COL22A1: variants seen among roughly 807,000 people sequenced by gnomAD.
The protein encoded by COL22A1 is collagen type XXII alpha 1 chain.
In COL22A1, 221 loss-of-function variants were observed where a neutral mutation model predicts 248.9. The observed-to-expected ratio is 0.89, with a 90% CI of 0.80 to 0.99. COL22A1 has a LOEUF of 0.99. Ranked by LOEUF, COL22A1 falls within the 50% of genes least tolerant of loss-of-function variation. The probability of loss-of-function intolerance (pLI) is 0.00; values close to 1 mark genes in which losing one functional copy is unlikely to be tolerated. For missense variants in COL22A1, 2,240 were observed against 2,179.0 expected, an observed-to-expected ratio of 1.03 and a Z score of -0.56; for synonymous variants, 891 against 793.4, an observed-to-expected ratio of 1.12 and a Z score of -2.07.
At chr8:138,835,534 A>G (rs1586854557) in intron 4 of COL22A1, among the ~76,000 whole-genome samples, 1 of 152,028 alleles carries the variant, frequency 6.6e-6, no homozygotes, top group Non-Finnish European at 1.5e-5. Context: ...AGCTTTCCTG[A>G]CCCGCCAGCT....
intron 1 of COL22A1, among the ~76,000 whole-genome samples, chr8:138,903,046 G>A (rs962434201): frequency 3.3e-5 from 5 of 152,118 alleles, no homozygotes; most frequent in African/African-American, 1.2e-4. Context: ...CCTCCCTATC[G>A]CGAATTGTCT....
intron 3 of COL22A1, among the ~76,000 whole-genome samples, chr8:138,877,021 G>A (rs1163053700): frequency 6.6e-6 from 1 of 152,220 alleles, no homozygotes; most frequent in Non-Finnish European, 1.5e-5. Context: ...CTGTCCTGGG[G>A]AGGGCGCTGT....
intron 23 of COL22A1, among the ~76,000 whole-genome samples, chr8:138,731,412 C>A (rs1010771846): frequency 6.6e-6 from 1 of 152,214 alleles, no homozygotes; most frequent in Middle Eastern, 3.4e-3. Context: ...AGAAGGCAGC[C>A]AGCGCCAGCA....
rs575068813 is a variant in COL22A1 at position 138,874,755 on chromosome 8, G to A, written c.658+2995C>T. ...TGGCCTTGCTTGGCTGGTTTCAGACGGGGTCAGGCTAGTGGAAGAACAGCC... is the reference window on the plus strand; with the variant it reads ...TGGCCTTGCTTGGCTGGTTTCAGACAGGGTCAGGCTAGTGGAAGAACAGCC... On this transcript the variant is annotated intron_variant, in intron 3 of 64. Coordinates refer to ENST00000303045, the MANE Select transcript of COL22A1 (RefSeq NM_152888.3). Among the ~76,000 whole-genome samples, 3 of 152,308 alleles carry A rather than the reference G, an allele frequency of 2.0e-5. No homozygotes were observed. The South Asian group carries it at 6.2e-4, about 32-fold the overall frequency.
chr8:138,620,110 C>G (rs1027813812), intron 52 of COL22A1: 1 of 155,508 alleles, frequency 6.4e-6, no homozygotes, highest in Non-Finnish European at 1.4e-5. Context: ...TTACTGCCCA[C>G]AGCTTGGCAT....
chr8:138,877,776 C>G lies in COL22A1; in HGVS notation c.632G>C (p.Gly211Ala). The change falls in exon 3 of 65, where the codon GGC (glycine) becomes GCC (alanine). Residue 211 changes from glycine to alanine, a missense_variant. Transcript: ENST00000303045. ...TTCACAAAGACGGCGCCGCAGCTTG[C>G]CCCGGATCTTGTCGATGGCATTGAA... ...SDFNAIDKIR[G>A]KLRRRLCENV... The G allele has an allele frequency of 6.2e-7, 1 of 1,601,370 alleles. No individual in the cohort carries two copies.
intron 8 of COL22A1, 142 bp from the exon 9 acceptor site, chr8:138,812,063 G>A: frequency 2.9e-6 from 3 of 1,048,948 alleles, no homozygotes; most frequent in Non-Finnish European, 4.1e-6. Flanking sequence ...TGAGGCCTTG[G>A]GGCAGAAAGC....
intron 10 of COL22A1, among the ~76,000 whole-genome samples, chr8:138,806,907 A>G (rs545918053): frequency 1.6e-4 from 25 of 152,308 alleles, no homozygotes; most frequent in Non-Finnish European, 2.6e-4. Flanking sequence ...TGTCTGCACC[A>G]CGAGACTCAG....
At chr8:138,629,045 T>C (rs527395355) in intron 50 of COL22A1, among the ~76,000 whole-genome samples, 19 of 152,054 alleles carry the variant, frequency 1.2e-4, no homozygotes, top group African/African-American at 4.1e-4. Flanking sequence ...TCTCCTGACC[T>C]GATGATTTGC....
chr8:138,848,444 T>G (rs189903517), intron 3 of COL22A1, among the ~76,000 whole-genome samples: 1 of 152,250 alleles, frequency 6.6e-6, no homozygotes, highest in African/African-American at 2.4e-5. Flanking sequence ...ACACGTCCAT[T>G]TTTTTGGCCT....
Position 138,646,621 on chromosome 8 carries a change from T to C in COL22A1, c.3501+8A>G. 1.3e-6 allele frequency: 2 copies of C among 1,577,900 alleles called. No homozygotes were observed. Among genetic ancestry groups the C allele is most frequent in the African/African-American group, 1.3e-5 (1 of 74,394 alleles). On this transcript the variant is annotated splice_region_variant and intron_variant, in intron 47 of 64. Coordinates refer to ENST00000303045, the MANE Select transcript of COL22A1 (RefSeq NM_152888.3). ...GATCCATGCAGATGGTTATGAAGTCTCACTGACCTGTGGTCCAGCTATTCC... is the reference window on the plus strand; with the variant it reads ...GATCCATGCAGATGGTTATGAAGTCCCACTGACCTGTGGTCCAGCTATTCC...
chr8:138,797,072 T>C (rs1816610615), intron 11 of COL22A1, among the ~76,000 whole-genome samples: 1 of 152,248 alleles, frequency 6.6e-6, no homozygotes, highest in South Asian at 2.1e-4. Context: ...ATATTATAGT[T>C]ACTATTCTTT....
chr8:138,778,399 T>C lies in COL22A1; in HGVS notation c.1712A>G (p.Gln571Arg), dbSNP rs1586723041. 6.2e-7 allele frequency: 1 copy of C among 1,601,008 alleles called. No individual in the cohort carries two copies. The highest frequency in any genetic ancestry group is 2.2e-5 in the East Asian group (1 of 44,810). The change falls in exon 15 of 65, where the codon CAA becomes CGA. Residue 571 changes from glutamine to arginine, a missense_variant. Coordinates refer to ENST00000303045, the MANE Select transcript of COL22A1 (RefSeq NM_152888.3). ...AGGTCCGGGGAGTCCAGGTGGTCCT[T>C]GGGGCCCCTGCAGAAGAGCATTTAC... is the stretch of plus-strand genomic sequence containing the variant. ...LPGEVGMRGP[Q>R]GPPGLPGPPG...
At chr8:138,596,848 G>A in intron 62 of COL22A1, 56 bp downstream of exon 62, 2 of 1,525,814 alleles carry the variant, frequency 1.3e-6, no homozygotes, top group Non-Finnish European at 1.8e-6. Context: ...GGCTGAGTGA[G>A]AGAACTGCTT....
intron 34 of COL22A1, among the ~76,000 whole-genome samples, chr8:138,694,293 A>G (rs1315008087): frequency 1.3e-5 from 2 of 152,178 alleles, no homozygotes; most frequent in African/African-American, 4.8e-5. Flanking sequence ...CAGAGTAGGG[A>G]CATCCAGGGG....
chr8:138,695,262 T>C (rs1827415963), intron 32 of COL22A1, among the ~76,000 whole-genome samples: 1 of 152,162 alleles, frequency 6.6e-6, no homozygotes. Flanking sequence ...AGATCATCAG[T>C]GAATGATGGA....
intron 7 of COL22A1, among the ~76,000 whole-genome samples, chr8:138,815,371 C>G (rs771471299): frequency 1.8e-4 from 27 of 152,138 alleles, no homozygotes; most frequent in Non-Finnish European, 2.5e-4. Flanking sequence ...TTCTCAAGCA[C>G]GAAAGCCGAA....
chr8:138,641,566 CT>C (rs1322342065), intron 47 of COL22A1, among the ~76,000 whole-genome samples: 1 of 152,190 alleles, frequency 6.6e-6, no homozygotes. Flanking sequence ...GACCCTATAT[CT>C]TAAAGTCAGT....
At position 138,833,095 on chromosome 8, in the gene COL22A1, A is replaced by C; in HGVS notation, c.789T>G (p.Asn263Lys). The C allele has an allele frequency of 6.2e-7, 1 of 1,614,058 alleles. No homozygotes were observed. Among genetic ancestry groups the C allele is most frequent in the Non-Finnish European group, 8.5e-7 (1 of 1,179,896 alleles). The change falls in exon 5 of 65, where the codon AAT becomes AAG. Residue 263 changes from asparagine (N) to lysine (K), a missense_variant. By Grantham distance (94) the Asn-to-Lys change is moderately conservative. Coordinates refer to ENST00000303045, the MANE Select transcript of COL22A1 (RefSeq NM_152888.3). Reference sequence around the variant, plus strand: ...TCCGTACATAGGAACTCTGAGCTCCATTCTCTCTCTTCCCCAAGATTTCCT... The same window carrying C: ...TCCGTACATAGGAACTCTGAGCTCCCTTCTCTCTCTTCCCCAAGATTTCCT... ...SVKEILGKRENGAQSSYVRMG... is the reference protein window; with the variant it reads ...SVKEILGKREKGAQSSYVRMG...
Sources: gnomAD v4.1 joint callset for allele counts (sites outside exome capture counted in the v4.1 genomes callset) on GRCh38, gnomAD v4.1.1 for gene constraint, MANE v1.5 for transcripts, NCBI Gene and HGNC (gene_info 2026-07-23, HGNC 2026-07-21) for gene names.